GPM6A: variants seen among roughly 807,000 people sequenced by gnomAD.
GPM6A encodes neuronal membrane glycoprotein M6-a.
Under a neutral mutation model 32.1 loss-of-function variants are expected in GPM6A, and 7 were observed. The ratio of observed to expected loss-of-function variants is 0.22; its 90% CI spans 0.12 to 0.41. The LOEUF is 0.41. GPM6A is among the 10% of genes least tolerant of loss of function. The pLI, the probability that GPM6A is intolerant of heterozygous loss-of-function variation, is 1.00. For synonymous variants in GPM6A, 130 were observed against 123.4 expected, an observed-to-expected ratio of 1.05 and a Z score of -0.35; for missense variants, 235 against 347.2, an observed-to-expected ratio of 0.68 and a Z score of 2.57.
intron 1 of GPM6A, among the ~76,000 whole-genome samples, chr4:175,766,622 A>G (rs1732977042): frequency 6.7e-6 from 1 of 148,240 alleles, no homozygotes; most frequent in African/African-American, 2.5e-5. Flanking sequence ...TTGTCTAATG[A>G]TGTGTTAGAA....
intron 1 of GPM6A, among the ~76,000 whole-genome samples, chr4:175,831,151 G>T (rs556056567): frequency 4.6e-5 from 7 of 152,116 alleles, no homozygotes; most frequent in Admixed American, 3.9e-4. Context: ...TGGTAGAAAT[G>T]CCCTTTATTT....
At chr4:175,730,277 C>G (rs1393638519) in intron 1 of GPM6A, among the ~76,000 whole-genome samples, 2 of 152,154 alleles carry the variant, frequency 1.3e-5, no homozygotes, top group Non-Finnish European at 2.9e-5. Flanking sequence ...AAGTCCTGCT[C>G]TCTCGCCCAG....
intron 1 of GPM6A, among the ~76,000 whole-genome samples, chr4:175,975,664 CATT>C (rs1436545421): frequency 3.3e-5 from 5 of 152,274 alleles, no homozygotes; most frequent in African/African-American, 7.2e-5. Context: ...TATTCTAAAA[CATT>C]ATTAGTTCTT....
chr4:175,912,428 G>T (rs916857979), intron 1 of GPM6A, among the ~76,000 whole-genome samples: 1 of 152,100 alleles, frequency 6.6e-6, no homozygotes, highest in East Asian at 1.9e-4. Flanking sequence ...GTTGAGGCAG[G>T]TGGATCACCT....
intron 3 of GPM6A, among the ~76,000 whole-genome samples, chr4:175,660,390 A>T (rs1742340752): frequency 6.6e-6 from 1 of 152,132 alleles, no homozygotes; most frequent in East Asian, 1.9e-4. Context: ...TCTCAAAAAA[A>T]AAAAGAAGTA....
At chr4:175,855,116 A>G (rs1736377721) in intron 1 of GPM6A, among the ~76,000 whole-genome samples, 1 of 152,210 alleles carries the variant, frequency 6.6e-6, no homozygotes, top group African/African-American at 2.4e-5. Flanking sequence ...ATAGTTCCAC[A>G]GTATTTTTTC....
intron 1 of GPM6A, among the ~76,000 whole-genome samples, chr4:175,708,289 A>G (rs1372003308): frequency 6.6e-6 from 1 of 152,184 alleles, no homozygotes; most frequent in African/African-American, 2.4e-5. Flanking sequence ...GGAAGGAATA[A>G]CTGTGATGAC....
chr4:175,652,563 T>C (rs1417636264), intron 3 of GPM6A, among the ~76,000 whole-genome samples: 1 of 151,878 alleles, frequency 6.6e-6, no homozygotes. Context: ...ATATTTTATA[T>C]ATAGTATATA....
At chr4:175,744,816 T>C (rs1271111448) in intron 1 of GPM6A, among the ~76,000 whole-genome samples, 1 of 152,114 alleles carries the variant, frequency 6.6e-6, no homozygotes, top group African/African-American at 2.4e-5. Context: ...TTAAAATACA[T>C]CTCCCACTTC....
chr4:175,755,826 G>A (rs1432961963), intron 1 of GPM6A, among the ~76,000 whole-genome samples: 1 of 152,148 alleles, frequency 6.6e-6, no homozygotes, highest in Admixed American at 6.6e-5. Flanking sequence ...CCATTCATCA[G>A]CATTTTACTT....
chr4:176,000,277 G>A (rs548683185), intron 1 of GPM6A, among the ~76,000 whole-genome samples: 1 of 152,248 alleles, frequency 6.6e-6, no homozygotes, highest in East Asian at 1.9e-4. Context: ...GCAGTAGAAG[G>A]AACAAACAAA....
chr4:175,962,229 G>A, intron 1 of GPM6A: 2 of 1,323,468 alleles, frequency 1.5e-6, no homozygotes, highest in East Asian at 4.6e-5. Flanking sequence ...GGTGGAACAA[G>A]AGAACATTGA....
intron 1 of GPM6A, among the ~76,000 whole-genome samples, chr4:175,819,636 T>C (rs1735213559): frequency 6.6e-6 from 1 of 152,174 alleles, no homozygotes; most frequent in South Asian, 2.1e-4. Flanking sequence ...ATTAAATTCT[T>C]TGTAGCAAGT....
At chr4:175,636,045 T>A (rs1740564656) in intron 6 of GPM6A, among the ~76,000 whole-genome samples, 1 of 151,840 alleles carries the variant, frequency 6.6e-6, no homozygotes, top group Admixed American at 6.6e-5. Context: ...TTGTGGTGTG[T>A]TCAGGTAGTC....
At chr4:175,810,586 G>T (rs1734879627) in intron 1 of GPM6A, among the ~76,000 whole-genome samples, 1 of 152,030 alleles carries the variant, frequency 6.6e-6, no homozygotes, top group African/African-American at 2.4e-5. Flanking sequence ...ATCTACCAAG[G>T]CTTGCTCAGA....
chr4:175,814,080 C>T (rs1735026733), upstream of GPM6A, among the ~76,000 whole-genome samples: 1 of 152,210 alleles, frequency 6.6e-6, no homozygotes, highest in Non-Finnish European at 1.5e-5. Context: ...ATAATCAACA[C>T]AGAACGGAGC....
intron 2 of GPM6A, among the ~76,000 whole-genome samples, chr4:175,681,711 C>G (rs1300616295): frequency 6.6e-6 from 1 of 152,084 alleles, no homozygotes; most frequent in Admixed American, 6.5e-5. Context: ...TCACCTTCTG[C>G]TATGATGGCA....
intron 1 of GPM6A, among the ~76,000 whole-genome samples, chr4:175,974,093 C>T (rs1018815554): frequency 2.6e-5 from 4 of 152,020 alleles, no homozygotes; most frequent in East Asian, 1.9e-4. Context: ...AACAGCTGGG[C>T]GTGGTGGCGC....
chr4:175,846,987 C>G (rs1579563286), intron 1 of GPM6A, among the ~76,000 whole-genome samples: 1 of 152,058 alleles, frequency 6.6e-6, no homozygotes, highest in African/African-American at 2.4e-5. Context: ...TCAACATGTG[C>G]TGTATAAGTA....
Sources: allele counts gnomAD v4.1 joint callset (sites outside exome capture counted in the v4.1 genomes callset), GRCh38; gene constraint gnomAD v4.1.1; transcripts MANE v1.5; gene names NCBI Gene and HGNC (gene_info 2026-07-23, HGNC 2026-07-21).